The following NFATC2IP variants were observed in gnomAD, a reference collection of about 807,000 sequenced individuals.
NFATC2IP encodes the protein NFATC2-interacting protein.
NFATC2IP carries 25 observed loss-of-function variants against 40.2 expected under a neutral mutation model. The ratio of observed to expected loss-of-function variants is 0.62; its 90% CI spans 0.45 to 0.87. The LOEUF is 0.87. Among genes scored for constraint, NFATC2IP ranks in the 40% least tolerant of loss-of-function variants. The pLI is 0.00. For missense variants in NFATC2IP, 553 were observed against 555.6 expected, an observed-to-expected ratio of 1.00 and a Z score of 0.05; for synonymous variants, 241 against 236.3, an observed-to-expected ratio of 1.02 and a Z score of -0.18.
In NFATC2IP at chr16:28,950,998, G is replaced by T. The variant is rs573728411; in HGVS notation, c.-14G>T. On this transcript the variant is annotated 5_prime_UTR_variant, in exon 1 of 8. Transcript: ENST00000320805. The stretch of plus-strand genomic sequence containing the variant: ...CGAGAGGAGGCGGGCGTGTGTTGTG[G>T]AGGAAAGTGTGCCATGGCGGAGCCT... 5 of 1,492,774 alleles carry T rather than the reference G, an allele frequency of 3.3e-6. No individual in the cohort carries two copies. The highest frequency in any genetic ancestry group is 2.7e-5 in the South Asian group (2 of 74,832). The allele number at this position is 1,492,774 out of a possible 1,614,324, so 92.5% of individuals were successfully genotyped here.
At chr16:28,952,291 C>T in intron 2 of NFATC2IP, 87 bp downstream of exon 2, 3 of 1,586,332 alleles carry the variant, frequency 1.9e-6, no homozygotes, top group Middle Eastern at 1.7e-4. Flanking sequence ...AGTCAGTTGT[C>T]TCCTGAGGCT....
chr16:28,958,806 G>A lies in NFATC2IP; in HGVS notation c.936G>A (p.Glu312=), dbSNP rs1220347584. The A allele has an allele frequency of 1.2e-6, 2 of 1,613,996 alleles. No individual in the cohort carries two copies. The highest frequency in any genetic ancestry group is 1.3e-5 in the African/African-American group (1 of 74,904). ...TCCTTTTGCTTTTTGGAGAGACAGAGCTATCACCTACTGCCACTCCCAGGA... is the reference window on the plus strand; with the variant it reads ...TCCTTTTGCTTTTTGGAGAGACAGAACTATCACCTACTGCCACTCCCAGGA... ...SRILLLFGET[E]LSPTATPRTL... Residue 312 remains glutamate (E), a synonymous_variant, in exon 6 of 8, where the codon GAG becomes GAA. Coordinates refer to ENST00000320805, the MANE Select transcript of NFATC2IP (RefSeq NM_032815.4).
Position 28,954,701 on chromosome 16 carries a change from C to T in NFATC2IP, c.578+19C>T. ...AGTTTCTGTGAGTGAGGCCAGGGCC[C>T]TTGGGCCCTGGGAGCAGGAAGTGAG... On this transcript the variant is annotated intron_variant, in intron 3 of 7. Coordinates refer to ENST00000320805, the MANE Select transcript of NFATC2IP (RefSeq NM_032815.4). The T allele has an allele frequency of 6.5e-7, 1 of 1,541,454 alleles. No individual in the cohort carries two copies.
chr16:28,951,987 T>A, intron 1 of NFATC2IP, 145 bp from the exon 2 acceptor site: 1 of 962,500 alleles, frequency 1.0e-6, no homozygotes, highest in Non-Finnish European at 1.6e-6. Flanking sequence ...GAAGCTGGAC[T>A]TCTAGGTTGC....
At chr16:28,951,429 G>GA in intron 1 of NFATC2IP, 31 bp downstream of exon 1, 1 of 1,379,674 alleles carries the variant, frequency 7.2e-7, no homozygotes. Context: ...GGGACCGGCG[G>GA]AAGGGCCAAG....
At position 28,951,230 on chromosome 16, in the gene NFATC2IP, GGAGCCCCCGGAGC is replaced by G; in HGVS notation, c.220_232del (p.Glu74ProfsTer67). The G allele has an allele frequency of 6.6e-7, 1 of 1,513,722 alleles. No individual in the cohort carries two copies. The highest frequency in any genetic ancestry group is 8.9e-7 in the Non-Finnish European group (1 of 1,126,426). The allele number at this position is 1,513,722 out of a possible 1,614,324, so 93.8% of individuals were successfully genotyped here. A position where few individuals can be genotyped will look rare whatever the true frequency, so the allele number is the denominator to read the frequency against. On this transcript the variant is annotated frameshift_variant, in exon 1 of 8. Coordinates refer to ENST00000320805, the MANE Select transcript of NFATC2IP (RefSeq NM_032815.4). ...GCGGTGCCGCGGACGAGGTTGAGGT[GGAGCCCCCGGAGC>G]CCCCGGGGCCGGTCGCGTCCCGGGA...
At chr16:28,956,537 C>T in intron 5 of NFATC2IP, 200 bp downstream of exon 5, 1 of 573,878 alleles carries the variant, frequency 1.7e-6, no homozygotes, top group Middle Eastern at 4.7e-4. Flanking sequence ...GCTCCCCTCT[C>T]TTTCTGGCAA....
chr16:28,963,679 G>A (rs372580204), intron 7 of NFATC2IP, 26 bp from the exon 8 acceptor site: 50 of 1,610,180 alleles, frequency 3.1e-5, no homozygotes, highest in Admixed American at 1.0e-4. Flanking sequence ...ATGTTCTGAC[G>A]TCCATTTTCT....
Position 28,956,252 on chromosome 16 carries a change from A to T in NFATC2IP, c.761A>T (p.Glu254Val). Residue 254 changes from glutamate (E) to valine (V), a missense_variant, in exon 5 of 8, where the codon GAA (glutamate) becomes GTA (valine). By Grantham distance (121) the Glu-to-Val change is moderately radical. Coordinates refer to ENST00000320805, the MANE Select transcript of NFATC2IP (RefSeq NM_032815.4). Reference protein sequence around the residue: ...QGQEDEVVLVEGPTLPETPRL... With the variant: ...QGQEDEVVLVVGPTLPETPRL... Reference sequence around the variant, plus strand: ...CAAGAGGATGAAGTGGTCTTGGTGGAAGGGCCCACCCTCCCAGAGACCCCC... The same window carrying T: ...CAAGAGGATGAAGTGGTCTTGGTGGTAGGGCCCACCCTCCCAGAGACCCCC... The T allele has an allele frequency of 6.2e-7, 1 of 1,613,932 alleles. No individual in the cohort carries two copies. The highest frequency in any genetic ancestry group is 8.5e-7 in the Non-Finnish European group (1 of 1,179,882).
At chr16:28,956,415 G>A (rs1335110614) in intron 5 of NFATC2IP, 78 bp downstream of exon 5, 9 of 1,076,970 alleles carry the variant, frequency 8.4e-6, no homozygotes, top group Non-Finnish European at 1.2e-5. Context: ...GGGGTGTCCT[G>A]GCAGAAGGGA....
intron 5 of NFATC2IP, 97 bp downstream of exon 5, chr16:28,956,434 C>A: frequency 2.3e-6 from 2 of 856,878 alleles, no homozygotes; most frequent in Non-Finnish European, 3.7e-6. Context: ...GACTGTCATC[C>A]TTTTCCCATC....
At position 28,966,444 on chromosome 16, in the gene NFATC2IP, T is replaced by TAAAAAAAAAAAAAAAAA. The variant is rs869184973; in HGVS notation, c.*2586_*2602dup. On this transcript the variant is annotated 3_prime_UTR_variant, in exon 8 of 8. Coordinates refer to ENST00000320805, the MANE Select transcript of NFATC2IP (RefSeq NM_032815.4). ...GGCAACACAGCGAGACCTTGTCTCT[T>TAAAAAAAAAAAAAAAAA]AAAAAAAAAAAAAAAAAAAAATGAG... 284 of 121,970 alleles carry TAAAAAAAAAAAAAAAAA rather than the reference T, an allele frequency of 2.3e-3. 3 individuals carry two copies. The highest frequency in any genetic ancestry group is 8.6e-3 in the African/African-American group (271 of 31,424). The allele number at this position is 121,970 out of a possible 1,614,324, so 7.6% of individuals were successfully genotyped here. A position where few individuals can be genotyped will look rare whatever the true frequency, so the allele number is the denominator to read the frequency against.
chr16:28,951,102 C>T lies in NFATC2IP; in HGVS notation c.91C>T (p.Arg31Cys). Residue 31 changes from arginine to cysteine, a missense_variant, in exon 1 of 8, where the codon CGT becomes TGT. Transcript: ENST00000320805. ...GGGCGGCTGGGGCGGTCGGGGCCGG[C>T]GTCCTCGGGCCCAGCGGTCTCCATC... ...GRGGWGGRGRRPRAQRSPSRG... is the reference protein window; with the variant it reads ...GRGGWGGRGRCPRAQRSPSRG... 1 of 1,544,030 alleles carries T rather than the reference C, an allele frequency of 6.5e-7. No homozygotes were observed. The highest frequency in any genetic ancestry group is 2.5e-5 in the East Asian group (1 of 40,496).
chr16:28,951,557 G>T (rs1964967862), intron 1 of NFATC2IP, among the ~76,000 whole-genome samples, 159 bp downstream of exon 1: 1 of 152,106 alleles, frequency 6.6e-6, no homozygotes, highest in Non-Finnish European at 1.5e-5. Context: ...GAGAGGCAGG[G>T]CTCCGGGACT....
Position 28,956,205 on chromosome 16 carries a change from T to TCAGG in NFATC2IP, c.715_718dup (p.Gly240AlafsTer11). The TCAGG allele has an allele frequency of 2.5e-6, 4 of 1,613,886 alleles. No individual in the cohort carries two copies. Among genetic ancestry groups the TCAGG allele is most frequent in the Non-Finnish European group, 3.4e-6 (4 of 1,179,956 alleles). On this transcript the variant is annotated frameshift_variant, in exon 5 of 8. Transcript: ENST00000320805. LOFTEE classifies it high-confidence loss of function. ...GTTCCTGTCTGAGCCCCAAGCCACC[T>TCAGG]CAGGGTCAAGAGCAACAGGGCCAAG...
intron 2 of NFATC2IP, among the ~76,000 whole-genome samples, chr16:28,953,493 T>TAGATATATATATATCTA (rs1190505432): frequency 6.6e-6 from 1 of 152,232 alleles, no homozygotes; most frequent in Non-Finnish European, 1.5e-5. Context: ...TAGAGAGAGC[T>TAGATATATATATATCTA]GCCTCTTGGC....
Position 28,954,623 on chromosome 16 carries a change from T to C in NFATC2IP, c.519T>C (p.Ser173=), listed in dbSNP as rs1965001118. 1 of 1,613,862 alleles carries C rather than the reference T, an allele frequency of 6.2e-7. No individual in the cohort carries two copies. Among genetic ancestry groups the C allele is most frequent in the Non-Finnish European group, 8.5e-7 (1 of 1,179,942 alleles). Residue 173 remains serine (S), a synonymous_variant, in exon 3 of 8, where the codon TCT becomes TCC. Transcript: ENST00000320805. ...ATGAGGGCTCCCCATCACCAGGCTC[T>C]CCCTGGAAGACAAAGCTGAGGACTA... is the stretch of plus-strand genomic sequence containing the variant. ...LYHEGSPSPG[S]PWKTKLRTKD...
rs537074229 is a variant in NFATC2IP at position 28,951,511 on chromosome 16, G to C, written c.387+113G>C. Reference sequence around the variant, plus strand: ...TAGGGGTGTTGAGGCTGGCGTTCTGGGGCTGGTCCTCGGGCGTTAGGGTGT... The same window carrying C: ...TAGGGGTGTTGAGGCTGGCGTTCTGCGGCTGGTCCTCGGGCGTTAGGGTGT... On this transcript the variant is annotated intron_variant, in intron 1 of 7. Coordinates refer to ENST00000320805, the MANE Select transcript of NFATC2IP (RefSeq NM_032815.4). The C allele has an allele frequency of 4.6e-6, 5 of 1,094,266 alleles. No individual in the cohort carries two copies. In the African/African-American group the frequency reaches 8.2e-5, roughly 18 times the overall value. 67.8% of individuals were successfully genotyped at this position (1,094,266 alleles called of 1,614,324 possible). A position where few individuals can be genotyped will look rare whatever the true frequency, so the allele number is the denominator to read the frequency against.
chr16:28,956,531 C>T, intron 5 of NFATC2IP, 194 bp downstream of exon 5: 1 of 574,992 alleles, frequency 1.7e-6, no homozygotes. Context: ...CCCAACGCTC[C>T]CCTCTCTTTC....
Sources: gnomAD v4.1 joint callset for allele counts (sites outside exome capture counted in the v4.1 genomes callset) on GRCh38, gnomAD v4.1.1 for gene constraint, MANE v1.5 for transcripts, NCBI Gene and HGNC (gene_info 2026-07-23, HGNC 2026-07-21) for gene names.